The following MACROD2 variants were observed in gnomAD, a reference collection of about 807,000 sequenced individuals.
The protein encoded by MACROD2 is ADP-ribose glycohydrolase MACROD2.
MACROD2 carries 36 observed loss-of-function variants against 70.4 expected under a neutral mutation model. The ratio of observed to expected loss-of-function variants is 0.51; its 90% CI spans 0.39 to 0.68. MACROD2 has a LOEUF of 0.68. Among genes scored for constraint, MACROD2 ranks in the 30% least tolerant of loss-of-function variants. The pLI is 0.00. For synonymous variants in MACROD2, 172 were observed against 178.8 expected (o/e 0.96, Z 0.30); for missense variants, 496 against 538.4 (o/e 0.92, Z 0.78).
At chr20:14,108,538 A>G (rs897750965) in intron 3 of MACROD2, among the ~76,000 whole-genome samples, 2 of 152,056 alleles carry the variant, frequency 1.3e-5, no homozygotes, top group Admixed American at 6.6e-5. Context: ...TCACCTATCA[A>G]GACACACATA....
intron 8 of MACROD2, among the ~76,000 whole-genome samples, chr20:15,773,476 C>T (rs1600870030): frequency 6.6e-6 from 1 of 152,208 alleles, no homozygotes; most frequent in East Asian, 1.9e-4. Context: ...TTACAAAGCA[C>T]TGGGAGCTCT....
At chr20:15,867,779 G>A (rs764002474) in intron 9 of MACROD2, among the ~76,000 whole-genome samples, 7 of 151,982 alleles carry the variant, frequency 4.6e-5, no homozygotes, top group Admixed American at 2.6e-4. Context: ...AAGAACATAC[G>A]GTTTATAACG....
chr20:15,228,297 T>C (rs2076928108), intron 5 of MACROD2, among the ~76,000 whole-genome samples: 1 of 152,148 alleles, frequency 6.6e-6, no homozygotes, highest in Non-Finnish European at 1.5e-5. Flanking sequence ...CGTGAACTTA[T>C]TAGTGAAGTT....
chr20:15,214,806 A>C (rs188732367), intron 5 of MACROD2, among the ~76,000 whole-genome samples: 88 of 152,318 alleles, frequency 5.8e-4, no homozygotes, highest in Admixed American at 1.6e-3. Context: ...TAAGACTGTT[A>C]AAATTCTATC....
intron 5 of MACROD2, among the ~76,000 whole-genome samples, chr20:14,720,036 A>G (rs2071446467): frequency 6.6e-6 from 1 of 152,198 alleles, no homozygotes; most frequent in African/African-American, 2.4e-5. Context: ...TTTGTAGACC[A>G]CTTTCTTGAA....
At chr20:14,071,609 C>G (rs567508297) in intron 2 of MACROD2, among the ~76,000 whole-genome samples, 1 of 152,148 alleles carries the variant, frequency 6.6e-6, no homozygotes, top group East Asian at 1.9e-4. Flanking sequence ...TGTTTCTCCT[C>G]GTCTGCCTCA....
Position 15,550,893 on chromosome 20 carries a change from T to A in MACROD2, c.645+51046T>A, listed in dbSNP as rs562557075. 3.3e-5 allele frequency among the ~76,000 whole-genome samples: 5 copies of A among 152,348 alleles called. No individual in the cohort carries two copies. The East Asian group carries it at 9.6e-4, about 29-fold the overall frequency. On this transcript the variant is annotated intron_variant, in intron 8 of 17. Transcript: ENST00000684519. ...TAGCTATTAAATATCAGAATCTTGA[T>A]GTGACAGCCAGGGCAGCTTGATTTC...
At chr20:14,536,349 G>A (rs1444219729) in intron 4 of MACROD2, among the ~76,000 whole-genome samples, 1 of 152,014 alleles carries the variant, frequency 6.6e-6, no homozygotes, top group African/African-American at 2.4e-5. Flanking sequence ...AAAAATGAAG[G>A]AAAATCCATA....
intron 3 of MACROD2, among the ~76,000 whole-genome samples, chr20:14,487,464 C>G (rs568558981): frequency 1.3e-5 from 2 of 152,138 alleles, no homozygotes; most frequent in Non-Finnish European, 2.9e-5. Context: ...GGAATTGGAG[C>G]TAGGTCTGCT....
chr20:15,742,051 C>T (rs369433366), intron 8 of MACROD2, among the ~76,000 whole-genome samples: 18 of 152,240 alleles, frequency 1.2e-4, no homozygotes, highest in African/African-American at 2.6e-4. Flanking sequence ...ACAATACAGA[C>T]GGCAGCTGAA....
At chr20:15,702,119 T>G (rs1038425247) in intron 8 of MACROD2, among the ~76,000 whole-genome samples, 3 of 152,234 alleles carry the variant, frequency 2.0e-5, no homozygotes, top group African/African-American at 7.2e-5. Flanking sequence ...AATGGTGTGA[T>G]GAACATACAA....
intron 4 of MACROD2, among the ~76,000 whole-genome samples, chr20:14,510,967 G>A (rs576681561): frequency 1.3e-5 from 2 of 151,828 alleles, no homozygotes; most frequent in African/African-American, 4.8e-5. Flanking sequence ...GTGGGTGTAG[G>A]TCCTGAACTG....
At chr20:14,753,336 T>A (rs1328754776) in intron 5 of MACROD2, among the ~76,000 whole-genome samples, 1 of 152,102 alleles carries the variant, frequency 6.6e-6, no homozygotes, top group African/African-American at 2.4e-5. Flanking sequence ...TGTCAGCTTT[T>A]GATTTTCATT....
intron 9 of MACROD2, among the ~76,000 whole-genome samples, chr20:15,876,797 A>G (rs1164691407): frequency 6.6e-6 from 1 of 152,100 alleles, no homozygotes; most frequent in East Asian, 1.9e-4. Context: ...CTTTTTAATG[A>G]TCACCATACT....
intron 3 of MACROD2, among the ~76,000 whole-genome samples, chr20:14,134,674 G>A (rs913501721): frequency 1.3e-5 from 2 of 151,804 alleles, no homozygotes; most frequent in East Asian, 3.9e-4. Context: ...GCGTGGTGGC[G>A]CGTGCGTGTA....
intron 6 of MACROD2, among the ~76,000 whole-genome samples, chr20:15,401,447 A>G (rs1325187874): frequency 6.6e-6 from 1 of 152,198 alleles, no homozygotes; most frequent in Admixed American, 6.5e-5. Context: ...ATGACCTCCA[A>G]GGACAAGGGC....
At chr20:14,927,452 G>A (rs921056178) in intron 5 of MACROD2, among the ~76,000 whole-genome samples, 2 of 152,060 alleles carry the variant, frequency 1.3e-5, no homozygotes, top group Admixed American at 6.6e-5. Context: ...AAGTCCAGGG[G>A]CCAGAAACTC....
rs532952740 is a variant in MACROD2, at chr20:14,565,235, T to A, written c.301+71727T>A. Among the ~76,000 whole-genome samples, 221 of 151,932 alleles carry A rather than the reference T, an allele frequency of 1.5e-3. 1 individual carries two copies. Among genetic ancestry groups the A allele is most frequent in the Non-Finnish European group, 2.6e-3 (178 of 67,888 alleles). On this transcript the variant is annotated intron_variant, in intron 4 of 17. Coordinates refer to ENST00000684519, the MANE Select transcript of MACROD2 (RefSeq NM_001351661.2). ...GGCCAAGGGATAAAATACTACCTAT[T>A]GGGTACAATGTGCACTATTTGGGTG...
intron 5 of MACROD2, among the ~76,000 whole-genome samples, chr20:15,148,503 T>C (rs1324709924): frequency 6.6e-6 from 1 of 152,004 alleles, no homozygotes; most frequent in Non-Finnish European, 1.5e-5. Flanking sequence ...AGGTATCAGC[T>C]GTGATGGCTT....
Sources: allele counts gnomAD v4.1 joint callset (sites outside exome capture counted in the v4.1 genomes callset), GRCh38; gene constraint gnomAD v4.1.1; transcripts MANE v1.5; gene names NCBI Gene and HGNC (gene_info 2026-07-23, HGNC 2026-07-21).